Variants in ATG4A observed in about 807,000 individuals in gnomAD.
ATG4A encodes the protein autophagy related 4A cysteine peptidase.
In ATG4A, 22 loss-of-function variants were observed where a neutral mutation model predicts 38.4. That is an observed-to-expected ratio of 0.57 (90% CI 0.41 to 0.82). The LOEUF is 0.82. ATG4A is among the 40% of genes least tolerant of loss of function. The pLI is 0.00. For synonymous variants in ATG4A, 86 were observed against 100.7 expected, an observed-to-expected ratio of 0.85 and a Z score of 0.88; for missense variants, 220 against 290.0, an observed-to-expected ratio of 0.76 and a Z score of 1.75.
chrX:108,088,946 G>A (rs2031531469), upstream of ATG4A: 7 of 635,721 alleles, frequency 1.1e-5, no homozygotes, highest in East Asian at 3.3e-5. Context: ...TTGAAAATAC[G>A]AAATGCAGAG....
intron 11 of ATG4A, chrX:108,152,098 T>A (rs922100077): frequency 3.3e-6 from 1 of 305,930 alleles, no homozygotes; most frequent in Non-Finnish European, 5.8e-6. Flanking sequence ...TTTTTAGTGA[T>A]GAAACCTAAT....
intron 9 of ATG4A, among the ~76,000 whole-genome samples, chrX:108,141,082 A>ACG (rs1243442708): frequency 2.9e-4 from 21 of 73,309 alleles, no homozygotes; most frequent in South Asian, 1.4e-3. Flanking sequence ...ATATATATAT[A>ACG]TATATATATA....
Position 108,153,784 on chromosome X carries a change from CT to C in ATG4A, c.*76del. 4.5e-6 allele frequency: 4 copies of C among 889,069 alleles called. No homozygotes were observed. Among genetic ancestry groups the C allele is most frequent in the Non-Finnish European group, 6.5e-6 (4 of 611,344 alleles). 73.3% of individuals were successfully genotyped at this position (889,069 alleles called of 1,213,427 possible). On this transcript the variant is annotated 3_prime_UTR_variant, in exon 13 of 13. Coordinates refer to ENST00000372232, the MANE Select transcript of ATG4A (RefSeq NM_052936.5). ...AAAAACATGAACTTATTGCATAAAA[CT>C]TTTCTAGTCAGCAAGTGCCTGATAT...
intron 1 of ATG4A, among the ~76,000 whole-genome samples, chrX:108,113,351 C>T (rs1177762895): frequency 9.0e-6 from 1 of 111,487 alleles, no homozygotes; most frequent in Non-Finnish European, 1.9e-5. Context: ...AAACAGGCTT[C>T]AGAAGGTGAC....
rs1323339219 is a variant in ATG4A, at chrX:108,154,014, A to G, written c.*302A>G. 2 of 191,838 alleles carry G rather than the reference A, an allele frequency of 1.0e-5. No individual in the cohort carries two copies. The highest frequency in any genetic ancestry group is 1.2e-4 in the East Asian group (1 of 8,679). 15.8% of individuals were successfully genotyped at this position (191,838 alleles called of 1,213,427 possible). A position where few individuals can be genotyped will look rare whatever the true frequency, so the allele number is the denominator to read the frequency against. ...CTACAGCAAGTCTTCAGCTGCTGCA[A>G]TGAGGAAATGGGCATCTGGAAGACA... is the stretch of plus-strand genomic sequence containing the variant. On this transcript the variant is annotated 3_prime_UTR_variant, in exon 13 of 13. Transcript: ENST00000372232.
At chrX:108,088,861 G>A (rs780727553), upstream of ATG4A, 48 of 1,121,418 alleles carry the variant, frequency 4.3e-5, 1 homozygote, top group Non-Finnish European at 1.2e-5. Flanking sequence ...CTACAGAGAA[G>A]CAGTAATAGA....
chrX:108,152,690 T>C (rs2033619046), intron 11 of ATG4A, among the ~76,000 whole-genome samples: 2 of 112,146 alleles, frequency 1.8e-5, no homozygotes, highest in South Asian at 7.4e-4. Flanking sequence ...TAAAGTGAGC[T>C]GGACCCATGC....
intron 9 of ATG4A, among the ~76,000 whole-genome samples, chrX:108,147,896 C>T (rs2033462269): frequency 9.3e-6 from 1 of 108,023 alleles, no homozygotes; most frequent in African/African-American, 3.4e-5. Flanking sequence ...TATTAAATAG[C>T]CAACTCCAGA....
intron 1 of ATG4A, among the ~76,000 whole-genome samples, chrX:108,109,600 C>T (rs1292784447): frequency 1.8e-5 from 2 of 112,226 alleles, no homozygotes; most frequent in Non-Finnish European, 3.8e-5. Context: ...AGGCATTTTA[C>T]AGTTTTAGGT....
intron 1 of ATG4A, among the ~76,000 whole-genome samples, chrX:108,097,760 C>T (rs111620099): frequency 1.2e-3 from 133 of 112,083 alleles, no homozygotes; most frequent in African/African-American, 3.9e-3. Context: ...ATGACAGTTG[C>T]AGGAACAGGT....
intron 9 of ATG4A, among the ~76,000 whole-genome samples, chrX:108,140,937 C>T (rs867196213): frequency 2.2e-5 from 2 of 89,951 alleles, no homozygotes; most frequent in South Asian, 4.9e-4. Context: ...CATATATATA[C>T]ATATATATAC....
chrX:108,095,707 CTTTCT>C, intron 1 of ATG4A, among the ~76,000 whole-genome samples: 1 of 92,233 alleles, frequency 1.1e-5, no homozygotes, highest in Non-Finnish European at 2.1e-5. Context: ...ATTTTCTTTT[CTTTCT>C]TTTTTTTTTT....
rs10713 is a variant in ATG4A, at chrX:108,154,630, G to A, written c.*918G>A. 5 of 112,557 alleles carry A rather than the reference G, an allele frequency of 4.4e-5. No homozygotes were observed. The highest frequency in any genetic ancestry group is 1.6e-4 in the African/African-American group (5 of 31,050). 9.3% of individuals were successfully genotyped at this position (112,557 alleles called of 1,213,427 possible). ...TCAGTGACTTAAATTGTTGATTTTT[G>A]TTTGATAAATTAAAAATAAATTGTG... is the stretch of plus-strand genomic sequence containing the variant. On this transcript the variant is annotated 3_prime_UTR_variant, in exon 13 of 13. Transcript: ENST00000372232.
chrX:108,091,711 G>A, upstream of ATG4A: 1 of 1,043,473 alleles, frequency 9.6e-7, no homozygotes, highest in South Asian at 1.9e-5. Flanking sequence ...AGGCGCCTTT[G>A]CTGCCCTCAC....
At chrX:108,138,223 G>C (rs370277824) in intron 9 of ATG4A, 32 bp downstream of exon 9, 8 of 1,158,335 alleles carry the variant, frequency 6.9e-6, no homozygotes, top group Non-Finnish European at 9.4e-6. Flanking sequence ...GTAAGTCATC[G>C]TGGGCTAGGG....
chrX:108,151,845 G>C lies in ATG4A; in HGVS notation c.1004G>C (p.Ser335Thr), dbSNP rs932229016. The C allele has an allele frequency of 2.5e-6, 3 of 1,204,192 alleles. No homozygotes were observed. Among genetic ancestry groups the C allele is most frequent in the African/African-American group, 3.5e-5 (2 of 57,839 alleles). Residue 335 changes from serine (S) to threonine (T), a missense_variant, in exon 11 of 13, where the codon AGC becomes ACC. Coordinates refer to ENST00000372232, the MANE Select transcript of ATG4A (RefSeq NM_052936.5). The stretch of plus-strand genomic sequence containing the variant: ...GAAAAAGACTTTGATAACTGGTGTA[G>C]CCTTGTTCAGAAGGTAAAGCTATAT... ...KEEKDFDNWC[S>T]LVQKEILKEN...
intron 1 of ATG4A, among the ~76,000 whole-genome samples, chrX:108,106,855 T>C (rs971163693): frequency 1.8e-5 from 2 of 111,837 alleles, no homozygotes; most frequent in African/African-American, 6.5e-5. Context: ...GATTATGATA[T>C]GTCTTACTGT....
intron 1 of ATG4A, among the ~76,000 whole-genome samples, chrX:108,124,757 T>A: frequency 9.0e-6 from 1 of 110,804 alleles, no homozygotes; most frequent in South Asian, 3.8e-4. Context: ...ACAGACTCAT[T>A]TTTTTTTTAT....
rs60886281 is a variant in ATG4A, at chrX:108,148,020, AATATATAT to A, written c.815-2083_815-2076del. Among the ~76,000 whole-genome samples the A allele has an allele frequency of 6.5e-4, 52 of 80,071 alleles. 1 individual carries two copies. Among genetic ancestry groups the A allele is most frequent in the Admixed American group, 2.0e-3 (14 of 6,842 alleles). The allele number at this position is 80,071 out of a possible 115,157, so 69.5% of individuals were successfully genotyped here. A position where few individuals can be genotyped will look rare whatever the true frequency, so the allele number is the denominator to read the frequency against. ...CTCTAGAGGGACAGAACTAATGGAA[AATATATAT>A]ATATATATATATATATATATATATA... On this transcript the variant is annotated intron_variant, in intron 9 of 12. Transcript: ENST00000372232.
Sources: allele counts gnomAD v4.1 joint callset (sites outside exome capture counted in the v4.1 genomes callset), GRCh38; gene constraint gnomAD v4.1.1; transcripts MANE v1.5; gene names NCBI Gene and HGNC (gene_info 2026-07-23, HGNC 2026-07-21).